Variants in HIF1A observed in about 807,000 individuals in gnomAD.
HIF1A encodes the protein hypoxia-inducible factor 1-alpha.
Under a neutral mutation model 92.7 loss-of-function variants are expected in HIF1A, and 24 were observed. The ratio of observed to expected loss-of-function variants is 0.26; its 90% confidence interval spans 0.19 to 0.36. The LOEUF (loss-of-function observed/expected upper bound fraction) is 0.36, where lower values mean the gene tolerates loss of function less well. Ranked by LOEUF, HIF1A falls within the 10% of genes least tolerant of loss-of-function variation. The probability of loss-of-function intolerance (pLI) is 1.00; values close to 1 mark genes in which losing one functional copy is unlikely to be tolerated. For synonymous variants in HIF1A, 319 were observed against 338.7 expected (o/e 0.94, Z 0.64); for missense variants, 799 against 998.5 (o/e 0.80, Z 2.69).
At chr14:61,716,245 G>A (rs2044362554) in intron 1 of HIF1A, among the ~76,000 whole-genome samples, 1 of 151,726 alleles carries the variant, frequency 6.6e-6, no homozygotes, top group South Asian at 2.1e-4. Context: ...ACAAAAATGG[G>A]CACAGAACCA....
chr14:61,719,451 A>T (rs1396435975), intron 1 of HIF1A, among the ~76,000 whole-genome samples: 1 of 152,204 alleles, frequency 6.6e-6, no homozygotes, highest in Non-Finnish European at 1.5e-5. Context: ...TAAAATAGGG[A>T]CAATATTTAA....
chr14:61,737,134 C>G (rs1392977620), intron 9 of HIF1A, 25 bp downstream of exon 9: 2 of 1,527,348 alleles, frequency 1.3e-6, no homozygotes, highest in Non-Finnish European at 1.8e-6. Context: ...TTGTTAATCC[C>G]CTAAATTGTG....
chr14:61,715,205 G>A (rs111844442), intron 1 of HIF1A, among the ~76,000 whole-genome samples: 8 of 152,248 alleles, frequency 5.3e-5, no homozygotes, highest in South Asian at 2.1e-4. Flanking sequence ...TGGCATTACC[G>A]GAAGGGATTA....
At chr14:61,722,726 C>T (rs976919115) in intron 4 of HIF1A, among the ~76,000 whole-genome samples, 1 of 152,092 alleles carries the variant, frequency 6.6e-6, no homozygotes, top group African/African-American at 2.4e-5. Context: ...AATTCGAGAC[C>T]GTGTAGTTAG....
chr14:61,737,114 G>A lies in HIF1A; in HGVS notation c.1249+5G>A. The A allele has an allele frequency of 6.2e-7, 1 of 1,608,188 alleles. No homozygotes were observed. The highest frequency in any genetic ancestry group is 1.3e-5 in the African/African-American group (1 of 74,876). On this transcript the variant is annotated splice_donor_5th_base_variant and intron_variant, in intron 9 of 14. Transcript: ENST00000337138. ...CTTTAGATTTTGGCAGCAACGGTGAGTAGTTATTTTTGTTAATCCCCTAAA... is the reference window on the plus strand; with the variant it reads ...CTTTAGATTTTGGCAGCAACGGTGAATAGTTATTTTTGTTAATCCCCTAAA...
intron 1 of HIF1A, among the ~76,000 whole-genome samples, chr14:61,709,909 G>A (rs542763203): frequency 6.6e-6 from 1 of 152,114 alleles, no homozygotes; most frequent in Non-Finnish European, 1.5e-5. Context: ...TACAGTGATA[G>A]TGTCAGTTCA....
In HIF1A at chr14:61,732,464, T is replaced by C. The variant is rs763536964; in HGVS notation, c.820T>C (p.Ser274Pro). The stretch of plus-strand genomic sequence containing the variant: ...TGAGCCAGAAGAACTTTTAGGCCGC[T>C]CAATTTATGAATATTATCATGCTTT... ...GYEPEELLGR[S>P]IYEYYHALDS... Residue 274 changes from serine (S) to proline (P), a missense_variant, in exon 7 of 15, where the codon TCA becomes CCA. Ser to Pro is a moderately conservative substitution (Grantham distance 74). Coordinates refer to ENST00000337138, the MANE Select transcript of HIF1A (RefSeq NM_001530.4). 6.2e-7 allele frequency: 1 copy of C among 1,612,086 alleles called. No homozygotes were observed.
chr14:61,727,932 C>T (rs1463172630), intron 6 of HIF1A, among the ~76,000 whole-genome samples: 2 of 151,268 alleles, frequency 1.3e-5, no homozygotes, highest in Non-Finnish European at 2.9e-5. Flanking sequence ...GCAGGAGAAT[C>T]GCTTGAACCT....
chr14:61,738,221 C>T lies in HIF1A; in HGVS notation c.1384C>T (p.Leu462Phe), dbSNP rs1181702574. 1 of 1,613,994 alleles carries T rather than the reference C, an allele frequency of 6.2e-7. No individual in the cohort carries two copies. The highest frequency in any genetic ancestry group is 8.5e-7 in the Non-Finnish European group (1 of 1,180,016). ...ACCCACCGCTGAAACGCCAAAGCCA[C>T]TTCGAAGTAGTGCTGACCCTGCACT... ...PLPTAETPKP[L>F]RSSADPALNQ... The change falls in exon 10 of 15, where the codon CTT becomes TTT. Residue 462 changes from leucine to phenylalanine, a missense_variant. Around this residue, in one of 2 missense-constraint regions of HIF1A, gnomAD observed 516 missense variants for 721.0 expected, o/e 0.72. Coordinates refer to ENST00000337138, the MANE Select transcript of HIF1A (RefSeq NM_001530.4).
intron 1 of HIF1A, among the ~76,000 whole-genome samples, chr14:61,706,295 CTT>C (rs986235262): frequency 2.0e-5 from 3 of 152,122 alleles, no homozygotes; most frequent in Non-Finnish European, 4.4e-5. Flanking sequence ...TAAAAGCTGA[CTT>C]TTAAAAAATT....
intron 1 of HIF1A, among the ~76,000 whole-genome samples, chr14:61,707,992 C>T (rs558919909): frequency 0.022 from 3,300 of 151,478 alleles, 101 homozygotes; most frequent in African/African-American, 0.071. Flanking sequence ...TTTTAATGAT[C>T]GCCATTCTAA....
chr14:61,727,511 G>A lies in HIF1A; in HGVS notation c.629G>A (p.Cys210Tyr), dbSNP rs762302243. 1.2e-6 allele frequency: 2 copies of A among 1,613,888 alleles called. No individual in the cohort carries two copies. Among genetic ancestry groups the A allele is most frequent in the Middle Eastern group, 1.6e-4 (1 of 6,062 alleles). ...VYDTNSNQPQ[C>Y]GYKKPPMTCL... is the part of the protein sequence containing the mutation. Reference sequence around the variant, plus strand: ...GATACCAACAGTAACCAACCTCAGTGTGGGTATAAGAAACCACCTATGACC... The same window carrying A: ...GATACCAACAGTAACCAACCTCAGTATGGGTATAAGAAACCACCTATGACC... Residue 210 changes from cysteine (C) to tyrosine (Y), a missense_variant, in exon 6 of 15, where the codon TGT becomes TAT. Around this residue, in one of 2 missense-constraint regions of HIF1A, gnomAD observed 516 missense variants for 721.0 expected, o/e 0.72. Coordinates refer to ENST00000337138, the MANE Select transcript of HIF1A (RefSeq NM_001530.4).
At chr14:61,697,633 T>G in intron 1 of HIF1A, 4 of 1,121,078 alleles carry the variant, frequency 3.6e-6, no homozygotes, top group Non-Finnish European at 4.4e-6. Flanking sequence ...TTTGAAAACT[T>G]GGCAACCTTG....
intron 1 of HIF1A, among the ~76,000 whole-genome samples, chr14:61,714,004 T>A (rs2140130373): frequency 6.6e-6 from 1 of 152,324 alleles, no homozygotes; most frequent in Non-Finnish European, 1.5e-5. Context: ...TGTTGATTGC[T>A]GTGGTGTGGG....
At chr14:61,696,591 G>T (rs931035782) in intron 1 of HIF1A, among the ~76,000 whole-genome samples, 1 of 152,164 alleles carries the variant, frequency 6.6e-6, no homozygotes, top group Admixed American at 6.5e-5. Flanking sequence ...GAGAACTTCA[G>T]AATTGGATAC....
intron 10 of HIF1A, among the ~76,000 whole-genome samples, chr14:61,738,937 T>G (rs535197081): frequency 4.1e-4 from 62 of 151,778 alleles, no homozygotes; most frequent in African/African-American, 1.4e-3. Context: ...GTGTGTGGAG[T>G]TGGGGTTCTC....
intron 6 of HIF1A, among the ~76,000 whole-genome samples, chr14:61,729,743 GA>G (rs2044552299): frequency 6.6e-6 from 1 of 152,080 alleles, no homozygotes; most frequent in African/African-American, 2.4e-5. Flanking sequence ...GAAGGTAGTG[GA>G]GCAAAAATGA....
At position 61,695,526 on chromosome 14, in the gene HIF1A, G is replaced by C. The variant is rs978802724; in HGVS notation, c.-279G>C. On this transcript the variant is annotated 5_prime_UTR_variant, in exon 1 of 15. Coordinates refer to ENST00000337138, the MANE Select transcript of HIF1A (RefSeq NM_001530.4). Reference sequence around the variant, plus strand: ...CCTCAGCTCCTCAGTGCACAGTGCTGCCTCGTCTGAGGGGACAGGAGGATC... The same window carrying C: ...CCTCAGCTCCTCAGTGCACAGTGCTCCCTCGTCTGAGGGGACAGGAGGATC... 17 of 540,484 alleles carry C rather than the reference G, an allele frequency of 3.1e-5. No individual in the cohort carries two copies. The highest frequency in any genetic ancestry group is 1.8e-4 in the African/African-American group (9 of 50,548). 33.5% of individuals were successfully genotyped at this position (540,484 alleles called of 1,614,324 possible). A position where few individuals can be genotyped will look rare whatever the true frequency, so the allele number is the denominator to read the frequency against.
At chr14:61,703,339 A>G (rs2044198511) in intron 1 of HIF1A, among the ~76,000 whole-genome samples, 1 of 152,216 alleles carries the variant, frequency 6.6e-6, no homozygotes, top group Admixed American at 6.5e-5. Context: ...TAAGTATATT[A>G]GGATTCTTCT....
Sources: allele counts gnomAD v4.1 joint callset (sites outside exome capture counted in the v4.1 genomes callset), GRCh38; gene constraint gnomAD v4.1.1; regional missense constraint gnomAD v4.1.1; transcripts MANE v1.5; gene names NCBI Gene and HGNC (gene_info 2026-07-23, HGNC 2026-07-21).